Variants in MYBPC1 observed in about 807,000 individuals in gnomAD.
MYBPC1 encodes myosin binding protein C1.
In MYBPC1, 52 loss-of-function variants were observed where a neutral mutation model predicts 147.1. That is an observed-to-expected ratio of 0.35 (90% CI 0.28 to 0.45). The LOEUF is 0.45. MYBPC1 is among the 20% of genes least tolerant of loss of function. The probability of loss-of-function intolerance (pLI) is 1.00; values close to 1 mark genes in which losing one functional copy is unlikely to be tolerated. For missense variants in MYBPC1, 1,228 were observed against 1,440.3 expected (o/e 0.85, Z 2.39); for synonymous variants, 477 against 475.9 (o/e 1.00, Z -0.03).
In MYBPC1 at chr12:101,659,802, C is replaced by T. The variant is rs758084339; in HGVS notation, c.1898C>T (p.Ala633Val). 1 of 1,614,122 alleles carries T rather than the reference C, an allele frequency of 6.2e-7. No homozygotes were observed. The highest frequency in any genetic ancestry group is 1.3e-5 in the African/African-American group (1 of 75,040). The change falls in exon 19 of 32, where the codon GCA (alanine) becomes GTA (valine). Residue 633 changes from alanine (A) to valine (V), a missense_variant. By Grantham distance (64) the Ala-to-Val change is moderately conservative. This residue lies in a region of MYBPC1 where 1,077 missense variants were observed against 1,314.2 expected (regional missense o/e 0.82). Coordinates refer to ENST00000361466, the MANE Select transcript of MYBPC1 (RefSeq NM_002465.4). The part of the protein sequence containing the change: ...HINLKNEAGE[A>V]HASIKVKVVD... ...AATCTGAAAAACGAAGCTGGAGAGG[C>T]ACATGCAAGCATCAAGGTTAAAGTT...
At chr12:101,629,604 G>A in intron 6 of MYBPC1, 60 bp downstream of exon 6, 4 of 1,200,574 alleles carry the variant, frequency 3.3e-6, no homozygotes, top group South Asian at 1.3e-5. Flanking sequence ...CGAGCACGGT[G>A]CCTCACGCCT....
chr12:101,653,319 G>T (rs1016863644), intron 18 of MYBPC1, 71 bp downstream of exon 18: 1 of 1,570,680 alleles, frequency 6.4e-7, no homozygotes, highest in Non-Finnish European at 8.7e-7. Context: ...CCCACCCCTT[G>T]CCCTCCATTA....
At position 101,667,811 on chromosome 12, in the gene MYBPC1, G is replaced by T. The variant is rs1897767178; in HGVS notation, c.2436G>T (p.Lys812Asn). The T allele has an allele frequency of 6.2e-7, 1 of 1,614,070 alleles. No individual in the cohort carries two copies. Among genetic ancestry groups the T allele is most frequent in the Non-Finnish European group, 8.5e-7 (1 of 1,180,040 alleles). ...FTITGLPTDA[K>N]IFVRVKAVNA... The stretch of plus-strand genomic sequence containing the variant: ...TCACAGGTCTGCCAACAGATGCAAA[G>T]ATCTTTGTGCGTGTGAAGGCTGTTA... The change falls in exon 23 of 32, where the codon AAG becomes AAT. Residue 812 changes from lysine to asparagine, a missense_variant. This residue lies in a region of MYBPC1 where 1,077 missense variants were observed against 1,314.2 expected (regional missense o/e 0.82). Coordinates refer to ENST00000361466, the MANE Select transcript of MYBPC1 (RefSeq NM_002465.4).
rs772409413 is a variant in MYBPC1 at position 101,627,789 on chromosome 12, G to C, written c.163G>C (p.Glu55Gln). 2 of 1,613,892 alleles carry C rather than the reference G, an allele frequency of 1.2e-6. No homozygotes were observed. The highest frequency in any genetic ancestry group is 1.7e-6 in the Non-Finnish European group (2 of 1,179,894). Residue 55 changes from glutamate (E) to glutamine (Q), a missense_variant, in exon 5 of 32, where the codon GAG becomes CAG. This residue lies in a region of MYBPC1 where 151 missense variants were observed against 126.1 expected (regional missense o/e 1.20). Transcript: ENST00000361466. Reference protein sequence around the residue: ...LPPGLGSRALERKDSDWTLVE... With the variant: ...LPPGLGSRALQRKDSDWTLVE... Reference sequence around the variant, plus strand: ...TTCAGGTTTGGGTAGTCGGGCCCTGGAGAGAAAAGATTCAGGTGAGCGCAA... The same window carrying C: ...TTCAGGTTTGGGTAGTCGGGCCCTGCAGAGAAAAGATTCAGGTGAGCGCAA...
chr12:101,617,064 A>G (rs1886267120), intron 2 of MYBPC1, 138 bp from the exon 3 acceptor site: 1 of 740,432 alleles, frequency 1.4e-6, no homozygotes, highest in Non-Finnish European at 2.3e-6. Flanking sequence ...TAATTCATGT[A>G]CAGCACGAGT....
In MYBPC1 at chr12:101,671,780, A is replaced by G. The variant is rs78924702; in HGVS notation, c.2613+1371A>G. ...CTTCTGTCACTGAGTCTGAGAGAGA[A>G]AAAATCATGAGAACAGGGACCGCAT... On this transcript the variant is annotated intron_variant, in intron 24 of 31. Transcript: ENST00000361466. Among the ~76,000 whole-genome samples the G allele has an allele frequency of 1.4e-3, 220 of 152,288 alleles. 2 individuals carry two copies. In the East Asian group the frequency reaches 0.037, roughly 26 times the overall value.
At chr12:101,657,089 C>T (rs1407007798) in intron 18 of MYBPC1, among the ~76,000 whole-genome samples, 1 of 151,848 alleles carries the variant, frequency 6.6e-6, no homozygotes, top group African/African-American at 2.4e-5. Context: ...AGCTGAAAAT[C>T]CCTCAAATTC....
At chr12:101,606,166 C>A (rs1268266018) in intron 1 of MYBPC1, among the ~76,000 whole-genome samples, 3 of 151,302 alleles carry the variant, frequency 2.0e-5, no homozygotes, top group Non-Finnish European at 4.4e-5. Flanking sequence ...GCACTCCAGC[C>A]TGGGTGACAG....
intron 18 of MYBPC1, among the ~76,000 whole-genome samples, chr12:101,657,664 A>C (rs1459764319): frequency 2.0e-5 from 3 of 152,216 alleles, no homozygotes; most frequent in Non-Finnish European, 4.4e-5. Context: ...CAATCAGAAA[A>C]GGATTATCTC....
At chr12:101,682,941 TATA>T (rs1277279179) in intron 30 of MYBPC1, among the ~76,000 whole-genome samples, 3 of 152,240 alleles carry the variant, frequency 2.0e-5, no homozygotes, top group Non-Finnish European at 4.4e-5. Flanking sequence ...TCTCGTTTTA[TATA>T]ATAAGACTAT....
chr12:101,649,628 G>A lies in MYBPC1; in HGVS notation c.1363+202G>A, dbSNP rs11110916. Reference sequence around the variant, plus strand: ...CCACGACTCAATTTAATAGTAGAGCGCCAATATTAGGAAGGAAGTATAAAA... The same window carrying A: ...CCACGACTCAATTTAATAGTAGAGCACCAATATTAGGAAGGAAGTATAAAA... On this transcript the variant is annotated intron_variant, in intron 15 of 31. Transcript: ENST00000361466. 0.22 allele frequency among the ~76,000 whole-genome samples: 33,650 copies of A among 151,990 alleles called. 4,003 individuals carry two copies. Among genetic ancestry groups the A allele is most frequent in the Middle Eastern group, 0.35 (102 of 294 alleles).
At position 101,637,081 on chromosome 12, in the gene MYBPC1, A is replaced by C. The variant is rs1891162155; in HGVS notation, c.665+353A>C. On this transcript the variant is annotated intron_variant, in intron 10 of 31. Transcript: ENST00000361466. ...AGAAGTCTGAAGGTATACACATTGT[A>C]AGAGGCAGACCTACTTTAATGTATT... 1.7e-4 allele frequency: 9 copies of C among 51,444 alleles called. No individual in the cohort carries two copies. In the South Asian group the frequency reaches 3.5e-3, roughly 20 times the overall value. 3.2% of individuals were successfully genotyped at this position (51,444 alleles called of 1,614,324 possible).
intron 16 of MYBPC1, among the ~76,000 whole-genome samples, chr12:101,651,988 G>A (rs1894564188): frequency 6.6e-6 from 1 of 152,126 alleles, no homozygotes; most frequent in African/African-American, 2.4e-5. Flanking sequence ...TTCTAATTGA[G>A]GACCTGATCA....
intron 5 of MYBPC1, among the ~76,000 whole-genome samples, chr12:101,628,493 T>C (rs748907473): frequency 2.0e-5 from 3 of 152,192 alleles, no homozygotes; most frequent in Admixed American, 6.5e-5. Context: ...GATAGAAATA[T>C]CAAGCATGAT....
chr12:101,635,190 G>C (rs1042366860), intron 9 of MYBPC1, among the ~76,000 whole-genome samples: 4 of 152,108 alleles, frequency 2.6e-5, no homozygotes, highest in African/African-American at 9.7e-5. Context: ...AAAATGGAGG[G>C]GGGGCGGTCA....
At chr12:101,648,262 A>C in intron 14 of MYBPC1, 112 bp downstream of exon 14, 1 of 736,230 alleles carries the variant, frequency 1.4e-6, no homozygotes, top group Non-Finnish European at 2.4e-6. Flanking sequence ...AACAATCTCC[A>C]CCTCATTTGT....
At chr12:101,644,919 A>G in intron 12 of MYBPC1, 123 bp downstream of exon 12, 1 of 987,808 alleles carries the variant, frequency 1.0e-6, no homozygotes, top group Non-Finnish European at 1.6e-6. Flanking sequence ...ATATGGAGAG[A>G]GAGTAAACAT....
At position 101,632,062 on chromosome 12, in the gene MYBPC1, C is replaced by A. The variant is rs1203174173; in HGVS notation, c.480C>A (p.Asn160Lys). The A allele has an allele frequency of 5.6e-6, 9 of 1,614,070 alleles. No homozygotes were observed. The highest frequency in any genetic ancestry group is 7.6e-6 in the Non-Finnish European group (9 of 1,179,904). ...TGCAGATCATCAAGGCCAAAGATAA[C>A]TTTGCAGGAAATTACAGATGCGAGG... is the stretch of plus-strand genomic sequence containing the variant. Reference protein sequence around the residue: ...FEMQIIKAKDNFAGNYRCEVT... With the variant: ...FEMQIIKAKDKFAGNYRCEVT... Residue 160 changes from asparagine (N) to lysine (K), a missense_variant, in exon 8 of 32, where the codon AAC (asparagine) becomes AAA (lysine). Physicochemically the swap from Asn to Lys is moderately conservative, Grantham distance 94. Around this residue, in one of 2 missense-constraint regions of MYBPC1, gnomAD observed 1,077 missense variants for 1,314.2 expected, o/e 0.82. Transcript: ENST00000361466.
rs77998609 is a variant in MYBPC1, at chr12:101,684,901, A to G, written c.*19+477A>G. On this transcript the variant is annotated intron_variant, in intron 31 of 31. Transcript: ENST00000361466. ...AGCAAGTAGTAAAGCACTTCACTAAAGGACCATGAATTTTTGTGGTTTCAT... is the reference window on the plus strand; with the variant it reads ...AGCAAGTAGTAAAGCACTTCACTAAGGGACCATGAATTTTTGTGGTTTCAT... Among the ~76,000 whole-genome samples, 237 of 152,324 alleles carry G rather than the reference A, an allele frequency of 1.6e-3. 1 individual carries two copies. The highest frequency in any genetic ancestry group is 5.5e-3 in the African/African-American group (229 of 41,576).
Sources: gnomAD v4.1 joint callset for allele counts (sites outside exome capture counted in the v4.1 genomes callset) on GRCh38, gnomAD v4.1.1 for gene constraint, gnomAD v4.1.1 regional missense constraint, MANE v1.5 for transcripts, NCBI Gene and HGNC (gene_info 2026-07-23, HGNC 2026-07-21) for gene names.